The following IL34 variants were observed in gnomAD, a reference collection of about 807,000 sequenced individuals.
The protein encoded by IL34 is interleukin 34, also known as interleukin-34.
Under a neutral mutation model 25.3 loss-of-function variants are expected in IL34, and 17 were observed. That is an observed-to-expected ratio of 0.67 (90% CI 0.46 to 1.01). The LOEUF is 1.01. IL34 is among the 50% of genes least tolerant of loss of function. The pLI is 0.00. For missense variants in IL34, 368 were observed against 312.9 expected (o/e 1.18, Z -1.33); for synonymous variants, 174 against 140.9 (o/e 1.23, Z -1.66).
At position 70,660,323 on chromosome 16, in the gene IL34, A is replaced by AG. The variant is rs2052374638; in HGVS notation, c.*141dup. ...CCCTGGGAAGGGTGTTTTTCCTTTG[A>AG]GGGGGATTCTGTGCCACAGCAGGGC... On this transcript the variant is annotated 3_prime_UTR_variant, in exon 6 of 6. Transcript: ENST00000288098. 9.1e-6 allele frequency: 7 copies of AG among 769,332 alleles called. No homozygotes were observed. The highest frequency in any genetic ancestry group is 1.4e-5 in the Non-Finnish European group (7 of 509,076). 47.7% of individuals were successfully genotyped at this position (769,332 alleles called of 1,614,324 possible).
intron 1 of IL34, among the ~76,000 whole-genome samples, chr16:70,647,899 T>TGGG (rs1019686582): frequency 2.0e-5 from 3 of 151,996 alleles, no homozygotes; most frequent in African/African-American, 7.3e-5. Flanking sequence ...GGGTGCAGCA[T>TGGG]GGGGGAGGGG....
chr16:70,599,948 G>A (rs1333884271), intron 1 of IL34, among the ~76,000 whole-genome samples: 2 of 152,000 alleles, frequency 1.3e-5, no homozygotes, highest in African/African-American at 4.8e-5. Flanking sequence ...TCAAAGTGCT[G>A]GGATTACAGG....
At chr16:70,640,255 C>T (rs1375199004) in intron 1 of IL34, among the ~76,000 whole-genome samples, 3 of 152,136 alleles carry the variant, frequency 2.0e-5, no homozygotes, top group Admixed American at 6.6e-5. Flanking sequence ...AATCATCCTG[C>T]CTTAGCCTTC....
chr16:70,619,956 G>A (rs947194633), intron 1 of IL34, among the ~76,000 whole-genome samples: 1 of 152,096 alleles, frequency 6.6e-6, no homozygotes, highest in Admixed American at 6.6e-5. Context: ...GGTTCTGGAG[G>A]AACGCCTGGC....
intron 1 of IL34, among the ~76,000 whole-genome samples, chr16:70,628,739 G>A (rs2051452010): frequency 6.7e-6 from 1 of 150,156 alleles, no homozygotes; most frequent in African/African-American, 2.5e-5. Context: ...CACCCGCCTT[G>A]GCCTCCCAAA....
intron 1 of IL34, among the ~76,000 whole-genome samples, chr16:70,583,970 T>C (rs2050663448): frequency 6.6e-6 from 1 of 152,158 alleles, no homozygotes; most frequent in African/African-American, 2.4e-5. Context: ...TTAGGCTTCT[T>C]ACAGCTCTTT....
chr16:70,622,891 A>G (rs2051311766), intron 1 of IL34, among the ~76,000 whole-genome samples: 1 of 152,112 alleles, frequency 6.6e-6, no homozygotes, highest in Non-Finnish European at 1.5e-5. Context: ...GTATGCAGAC[A>G]TGAGGGCTAG....
Position 70,608,420 on chromosome 16 carries a change from G to A in IL34, c.-401+28371G>A, listed in dbSNP as rs1484356983. ...CTGGGATTATGGCTTGAGCCACCAC[G>A]ACCGGCCTTGATTTTCAAATATTAA... On this transcript the variant is annotated intron_variant, in intron 1 of 6. Transcript: ENST00000429149. 3.9e-5 allele frequency among the ~76,000 whole-genome samples: 6 copies of A among 152,096 alleles called. No individual in the cohort carries two copies. In the East Asian group the frequency reaches 1.2e-3, roughly 29 times the overall value.
Position 70,598,705 on chromosome 16 carries a change from C to A in IL34, c.-401+18656C>A, listed in dbSNP as rs144253859. Among the ~76,000 whole-genome samples, 396 of 152,310 alleles carry A rather than the reference C, an allele frequency of 2.6e-3. 1 individual carries two copies. The highest frequency in any genetic ancestry group is 0.012 in the Admixed American group (183 of 15,294). The stretch of plus-strand genomic sequence containing the variant: ...AGTGAGCCGAGATTGCACCACTGCA[C>A]TCCAGCCTGGGCGACAGAGTGAAAC... On this transcript the variant is annotated intron_variant, in intron 1 of 6. Coordinates refer to the IL34 transcript ENST00000429149.
intron 1 of IL34, among the ~76,000 whole-genome samples, chr16:70,623,488 C>G (rs569274354): frequency 2.0e-5 from 3 of 151,944 alleles, no homozygotes; most frequent in Admixed American, 1.3e-4. Flanking sequence ...CTGTAGCAGG[C>G]GAGTGATAAC....
At chr16:70,592,795 CA>C (rs1227879297) in intron 1 of IL34, among the ~76,000 whole-genome samples, 2 of 152,114 alleles carry the variant, frequency 1.3e-5, no homozygotes, top group Non-Finnish European at 2.9e-5. Flanking sequence ...GCTGGGATTA[CA>C]GGCACATGCC....
At chr16:70,650,711 C>T (rs1358751917) in intron 1 of IL34, among the ~76,000 whole-genome samples, 2 of 152,196 alleles carry the variant, frequency 1.3e-5, no homozygotes, top group Non-Finnish European at 2.9e-5. Context: ...TTCCAGACCC[C>T]CAGCCACAGC....
intron 1 of IL34, among the ~76,000 whole-genome samples, chr16:70,640,679 G>C (rs1461043342): frequency 6.6e-6 from 1 of 151,132 alleles, no homozygotes; most frequent in East Asian, 1.9e-4. Flanking sequence ...ATCAATTAAA[G>C]TTATTTTTAA....
intron 1 of IL34, among the ~76,000 whole-genome samples, chr16:70,628,835 T>A (rs2151847454): frequency 6.7e-6 from 1 of 148,534 alleles, no homozygotes; most frequent in South Asian, 2.3e-4. Flanking sequence ...ATGCCCAGGC[T>A]GAAGTGCAGT....
intron 1 of IL34, among the ~76,000 whole-genome samples, chr16:70,585,749 C>G (rs1482155081): frequency 6.7e-6 from 1 of 150,012 alleles, no homozygotes; most frequent in Non-Finnish European, 1.5e-5. Context: ...ACAGGCTCGT[C>G]TTGAACTCCT....
In IL34 at chr16:70,646,899, C is replaced by T. The variant is rs777145598; in HGVS notation, c.-49C>T. ...GGCCGTGCTTAGGCCTCTGTGGACACACTGCTGGGGACGGCGCCTGAGCTC... is the reference window on the plus strand; with the variant it reads ...GGCCGTGCTTAGGCCTCTGTGGACATACTGCTGGGGACGGCGCCTGAGCTC... On this transcript the variant is annotated 5_prime_UTR_variant, in exon 1 of 6. Transcript: ENST00000288098. 4 of 1,473,078 alleles carry T rather than the reference C, an allele frequency of 2.7e-6. No individual in the cohort carries two copies. The highest frequency in any genetic ancestry group is 2.9e-5 in the East Asian group (1 of 34,686). 91.3% of individuals were successfully genotyped at this position (1,473,078 alleles called of 1,614,324 possible).
chr16:70,657,037 G>C lies in IL34; in HGVS notation c.318G>C (p.Gln106His), dbSNP rs1265313330. ...LVSLSATESVQDVLLEGHPSW... is the reference protein window; with the variant it reads ...LVSLSATESVHDVLLEGHPSW... ...GCCTCAGTGCCACTGAGTCGGTGCA[G>C]GACGTGCTGCTCGAGGGCCACCCAT... The change falls in exon 4 of 6, where the codon CAG (glutamine) becomes CAC (histidine). Residue 106 changes from glutamine to histidine, a missense_variant. Gln to His is a conservative substitution (Grantham distance 24). Transcript: ENST00000288098. The C allele has an allele frequency of 1.2e-6, 2 of 1,612,690 alleles. No individual in the cohort carries two copies. Among genetic ancestry groups the C allele is most frequent in the Non-Finnish European group, 1.7e-6 (2 of 1,180,010 alleles).
chr16:70,648,579 GA>G (rs1193245422), intron 1 of IL34, among the ~76,000 whole-genome samples: 6 of 140,448 alleles, frequency 4.3e-5, no homozygotes, highest in Non-Finnish European at 7.7e-5. Flanking sequence ...AAAAAAAGGA[GA>G]AAAGAAAAAG....
chr16:70,639,958 C>T (rs997157971), intron 1 of IL34, among the ~76,000 whole-genome samples: 9 of 148,758 alleles, frequency 6.1e-5, no homozygotes, highest in Non-Finnish European at 1.0e-4. Flanking sequence ...ACCCTGTCTC[C>T]GAAAAAAAAA....
Sources: allele counts gnomAD v4.1 joint callset (sites outside exome capture counted in the v4.1 genomes callset), GRCh38; gene constraint gnomAD v4.1.1; transcripts MANE v1.5; gene names NCBI Gene and HGNC (gene_info 2026-07-23, HGNC 2026-07-21).